LTBP2: variants seen among roughly 807,000 people sequenced by gnomAD.
LTBP2 encodes the protein latent-transforming growth factor beta-binding protein 2.
A neutral mutation model predicts 210.6 loss-of-function variants in LTBP2; 103 were observed. The ratio of observed to expected loss-of-function variants is 0.49; its 90% CI spans 0.42 to 0.58. LTBP2 has a LOEUF of 0.58. Among genes scored for constraint, LTBP2 ranks in the 20% least tolerant of loss-of-function variants. LTBP2 has a pLI of 0.00. For missense variants in LTBP2, 2,313 were observed against 2,494.5 expected (o/e 0.93, Z 1.55); for synonymous variants, 1,007 against 1,015.0 (o/e 0.99, Z 0.15).
At chr14:74,597,660 T>C (rs764220412) in intron 2 of LTBP2, among the ~76,000 whole-genome samples, 1 of 152,080 alleles carries the variant, frequency 6.6e-6, no homozygotes, top group Non-Finnish European at 1.5e-5. Flanking sequence ...CCCAGGAAGA[T>C]CTCCCCAGGA....
intron 3 of LTBP2, among the ~76,000 whole-genome samples, chr14:74,567,719 C>T (rs959624103): frequency 2.0e-5 from 3 of 152,200 alleles, no homozygotes; most frequent in South Asian, 2.1e-4. Context: ...TCCATGGAGT[C>T]GTCACAGCGC....
chr14:74,594,446 A>T (rs922307683), intron 2 of LTBP2, among the ~76,000 whole-genome samples: 1 of 152,126 alleles, frequency 6.6e-6, no homozygotes, highest in African/African-American at 2.4e-5. Flanking sequence ...GCTGCTTCCC[A>T]GGTTAAACCT....
chr14:74,532,272 T>C (rs1293047753), intron 10 of LTBP2, among the ~76,000 whole-genome samples, 154 bp downstream of exon 10: 1 of 152,224 alleles, frequency 6.6e-6, no homozygotes, highest in African/African-American at 2.4e-5. Context: ...TTTTTCACAT[T>C]GGGCCCAACT....
chr14:74,569,855 A>C (rs11626424), intron 3 of LTBP2, among the ~76,000 whole-genome samples: 1 of 151,688 alleles, frequency 6.6e-6, no homozygotes, highest in Admixed American at 6.6e-5. Flanking sequence ...TAGCTGGCCC[A>C]AGCTCACGTA....
At chr14:74,543,687 A>G (rs959437943) in intron 8 of LTBP2, among the ~76,000 whole-genome samples, 1 of 152,156 alleles carries the variant, frequency 6.6e-6, no homozygotes, top group Non-Finnish European at 1.5e-5. Context: ...ACTGGAGATG[A>G]TAAGTCCCTC....
chr14:74,551,101 A>G lies in LTBP2; in HGVS notation c.1649T>C (p.Leu550Pro). The G allele has an allele frequency of 6.2e-7, 1 of 1,613,832 alleles. No individual in the cohort carries two copies. Among genetic ancestry groups the G allele is most frequent in the East Asian group, 2.2e-5 (1 of 44,888 alleles). The change falls in exon 7 of 36, where the codon CTG becomes CCG. Residue 550 changes from leucine to proline, a missense_variant. Around this residue, in one of 3 missense-constraint regions of LTBP2, gnomAD observed 1,867 missense variants for 1,976.9 expected, o/e 0.94. Coordinates refer to ENST00000261978, the MANE Select transcript of LTBP2 (RefSeq NM_000428.3). Reference protein sequence around the residue: ...LPPAAPRPRGLLGRCYLNTVN... With the variant: ...LPPAAPRPRGPLGRCYLNTVN... ...AGTGTTCAGGTAACACCGGCCCAGC[A>G]GTCCTCGAGGCCTGGGTGCTGCTGG...
intron 3 of LTBP2, among the ~76,000 whole-genome samples, chr14:74,574,068 A>C (rs1361850311): frequency 6.6e-6 from 1 of 152,188 alleles, no homozygotes; most frequent in Non-Finnish European, 1.5e-5. Context: ...ATAAGGCTCC[A>C]TCAATGGTGG....
At chr14:74,580,884 A>G (rs1266055242) in intron 3 of LTBP2, among the ~76,000 whole-genome samples, 1 of 152,156 alleles carries the variant, frequency 6.6e-6, no homozygotes, top group Non-Finnish European at 1.5e-5. Flanking sequence ...GCAAGAGACC[A>G]GGAGGTCGAG....
At chr14:74,535,409 G>A (rs772208666) in intron 9 of LTBP2, among the ~76,000 whole-genome samples, 1 of 152,208 alleles carries the variant, frequency 6.6e-6, no homozygotes, top group Non-Finnish European at 1.5e-5. Flanking sequence ...AGCCCCAGGA[G>A]CCTGTCCCAG....
At chr14:74,517,329 C>T (rs186877586) in intron 17 of LTBP2, among the ~76,000 whole-genome samples, 31 of 152,246 alleles carry the variant, frequency 2.0e-4, no homozygotes, top group Middle Eastern at 3.4e-3. Context: ...TTCGGGTCTG[C>T]TCCTGGAGTC....
At chr14:74,512,513 G>A (rs986364817) in intron 18 of LTBP2, among the ~76,000 whole-genome samples, 6 of 152,174 alleles carry the variant, frequency 3.9e-5, no homozygotes, top group Admixed American at 3.9e-4. Flanking sequence ...TGCTGGACAT[G>A]GAGAGGAGAG....
intron 8 of LTBP2, among the ~76,000 whole-genome samples, chr14:74,547,587 A>G (rs575347849): frequency 2.0e-5 from 3 of 152,162 alleles, no homozygotes; most frequent in Non-Finnish European, 4.4e-5. Context: ...ACAGCTTCTG[A>G]GCCCTGAGAC....
chr14:74,504,425 G>A (rs1303374247), intron 30 of LTBP2, among the ~76,000 whole-genome samples: 1 of 152,226 alleles, frequency 6.6e-6, no homozygotes, highest in Admixed American at 6.5e-5. Context: ...GGCCTCATCA[G>A]TGCGGCCAGG....
At chr14:74,550,983 A>G in intron 7 of LTBP2, 81 bp downstream of exon 7, 2 of 1,531,288 alleles carry the variant, frequency 1.3e-6, no homozygotes, top group African/African-American at 1.4e-5. Flanking sequence ...AACAAAGAGG[A>G]CAGAGAGGAG....
At chr14:74,530,101 GC>G in intron 10 of LTBP2, among the ~76,000 whole-genome samples, 1 of 152,318 alleles carries the variant, frequency 6.6e-6, no homozygotes, top group South Asian at 2.1e-4. Flanking sequence ...ATTTCTGCCT[GC>G]CCAGAGTCTA....
At position 74,594,541 on chromosome 14, in the gene LTBP2, TC is replaced by T. The variant is rs796229376; in HGVS notation, c.566-8424del. On this transcript the variant is annotated intron_variant, in intron 2 of 35. Transcript: ENST00000261978. Reference sequence around the variant, plus strand: ...ATCCCCTCCTCAGGCCGGGGCCCTGTCCCCTTTCACAGCTAGAGGCCTTCGC... The same window carrying T: ...ATCCCCTCCTCAGGCCGGGGCCCTGTCCCTTTCACAGCTAGAGGCCTTCGC... Among the ~76,000 whole-genome samples, 3 of 152,264 alleles carry T rather than the reference TC, an allele frequency of 2.0e-5. No individual in the cohort carries two copies. The South Asian group carries it at 6.2e-4, about 32-fold the overall frequency.
intron 3 of LTBP2, among the ~76,000 whole-genome samples, chr14:74,582,018 TG>T (rs1325133728): frequency 3.4e-5 from 5 of 148,528 alleles, no homozygotes; most frequent in Non-Finnish European, 5.9e-5. Context: ...CTAGGGTTGT[TG>T]TTTTTTTTTT....
chr14:74,507,778 TG>T (rs2087009446), intron 25 of LTBP2, among the ~76,000 whole-genome samples, 194 bp downstream of exon 25: 1 of 152,266 alleles, frequency 6.6e-6, no homozygotes, highest in Admixed American at 6.5e-5. Flanking sequence ...TTGTGTGCTC[TG>T]CCAGCACGAA....
intron 2 of LTBP2, among the ~76,000 whole-genome samples, chr14:74,600,932 T>G (rs567371548): frequency 2.1e-4 from 32 of 152,240 alleles, no homozygotes; most frequent in African/African-American, 7.7e-4. Context: ...AATCTTCTCT[T>G]TGATGTGATT....
Sources: gnomAD v4.1 joint callset for allele counts (sites outside exome capture counted in the v4.1 genomes callset) on GRCh38, gnomAD v4.1.1 for gene constraint, gnomAD v4.1.1 regional missense constraint, MANE v1.5 for transcripts, NCBI Gene and HGNC (gene_info 2026-07-23, HGNC 2026-07-21) for gene names.